KHDRBS2: variants seen among roughly 807,000 people sequenced by gnomAD.
The protein encoded by KHDRBS2 is KH RNA binding domain containing, signal transduction associated 2, also known as KH domain-containing, RNA-binding, signal transduction-associated protein 2.
KHDRBS2 carries 26 observed loss-of-function variants against 44.3 expected under a neutral mutation model. The ratio of observed to expected loss-of-function variants is 0.59; its 90% CI spans 0.43 to 0.81. The LOEUF (loss-of-function observed/expected upper bound fraction) is 0.81. KHDRBS2 is among the 40% of genes least tolerant of loss of function. KHDRBS2 has a pLI of 0.00. For synonymous variants in KHDRBS2, 194 were observed against 151.1 expected (o/e 1.28, Z -2.08); for missense variants, 476 against 433.1 (o/e 1.10, Z -0.88).
At chr6:62,081,264 T>G (rs1292905511) in intron 2 of KHDRBS2, among the ~76,000 whole-genome samples, 1 of 152,164 alleles carries the variant, frequency 6.6e-6, no homozygotes, top group Non-Finnish European at 1.5e-5. Flanking sequence ...ATGAATATAA[T>G]AATGAAGTTT....
intron 3 of KHDRBS2, among the ~76,000 whole-genome samples, chr6:62,029,563 G>A (rs1250571446): frequency 5.9e-5 from 9 of 151,912 alleles, no homozygotes; most frequent in African/African-American, 4.8e-5. Flanking sequence ...AATAGGCCAC[G>A]GAGACAAACA....
intron 3 of KHDRBS2, among the ~76,000 whole-genome samples, chr6:62,023,528 GGAAA>G (rs1208597548): frequency 3.3e-5 from 5 of 151,352 alleles, no homozygotes; most frequent in African/African-American, 4.8e-5. Context: ...TAATTTATGT[GGAAA>G]GAAATATTTT....
intron 4 of KHDRBS2, among the ~76,000 whole-genome samples, chr6:61,938,023 G>A (rs563933278): frequency 3.3e-5 from 5 of 152,078 alleles, no homozygotes; most frequent in East Asian, 1.9e-4. Context: ...TTAACCAGAA[G>A]CTCCAGGACA....
At chr6:61,659,384 G>A in the KHDRBS2 span, among the ~76,000 whole-genome samples, 2 of 151,688 alleles carry the variant, frequency 1.3e-5, no homozygotes, top group African/African-American at 2.4e-5. Flanking sequence ...CTGCTGAAAC[G>A]AGTTAATGCC....
At chr6:61,603,864 C>G in the KHDRBS2 span, among the ~76,000 whole-genome samples, 1 of 152,132 alleles carries the variant, frequency 6.6e-6, no homozygotes, top group Non-Finnish European at 1.5e-5. Context: ...TCTGATCCAC[C>G]TGACATACAC....
At chr6:62,117,095 T>C (rs7758662) in intron 2 of KHDRBS2, among the ~76,000 whole-genome samples, 92,944 of 151,988 alleles carry the variant, frequency 0.61, 28,593 homozygotes, top group Non-Finnish European at 0.62. Context: ...ATACCGATCT[T>C]CTTTTAGATA....
chr6:61,682,425 T>C (rs1161187779), intron 8 of KHDRBS2, among the ~76,000 whole-genome samples: 3 of 151,874 alleles, frequency 2.0e-5, no homozygotes, highest in African/African-American at 7.2e-5. Context: ...AAGAAATAAA[T>C]ATAACAAATG....
Position 61,947,375 on chromosome 6 carries a change from A to G in KHDRBS2, c.483+30691T>C, listed in dbSNP as rs568917648. Among the ~76,000 whole-genome samples the G allele has an allele frequency of 1.6e-3, 244 of 152,322 alleles. 9 individuals carry two copies. In the South Asian group the frequency reaches 0.046, roughly 29 times the overall value. On this transcript the variant is annotated intron_variant, in intron 4 of 8. Transcript: ENST00000281156. Reference sequence around the variant, plus strand: ...ACTCAACTCCAGGGCACAGAAAATGACAAGCATTTTCATAGATCCAGTTCC... The same window carrying G: ...ACTCAACTCCAGGGCACAGAAAATGGCAAGCATTTTCATAGATCCAGTTCC...
chr6:62,084,055 T>A (rs1330619780), intron 2 of KHDRBS2, among the ~76,000 whole-genome samples: 1 of 152,204 alleles, frequency 6.6e-6, no homozygotes, highest in Non-Finnish European at 1.5e-5. Context: ...TATTCCTTTC[T>A]TGTACTCCTC....
intron 6 of KHDRBS2, among the ~76,000 whole-genome samples, chr6:61,776,341 A>C (rs1195897404): frequency 2.0e-5 from 3 of 152,194 alleles, no homozygotes. Flanking sequence ...AACTACCATC[A>C]GAGTGAACAG....
the KHDRBS2 span, among the ~76,000 whole-genome samples, chr6:61,545,569 C>G: frequency 6.6e-6 from 1 of 151,430 alleles, no homozygotes; most frequent in Non-Finnish European, 1.5e-5. Flanking sequence ...TTTTCACACA[C>G]ATACATCAAT....
chr6:62,205,292 G>A (rs1308091354), intron 1 of KHDRBS2, among the ~76,000 whole-genome samples: 1 of 152,088 alleles, frequency 6.6e-6, no homozygotes, highest in South Asian at 2.1e-4. Flanking sequence ...AATGTGGCAG[G>A]CTAACTTGTT....
At chr6:61,745,174 G>T (rs1205740703) in intron 6 of KHDRBS2, among the ~76,000 whole-genome samples, 1 of 152,072 alleles carries the variant, frequency 6.6e-6, no homozygotes, top group African/African-American at 2.4e-5. Context: ...GGGGACAAAA[G>T]AAAATTTGGC....
At chr6:62,187,718 C>T (rs1420408742) in intron 1 of KHDRBS2, among the ~76,000 whole-genome samples, 2 of 151,754 alleles carry the variant, frequency 1.3e-5, no homozygotes, top group African/African-American at 2.4e-5. Context: ...GGGGAGGGGA[C>T]GTTGTTTGCT....
intron 3 of KHDRBS2, among the ~76,000 whole-genome samples, chr6:62,013,327 C>T (rs1014753505): frequency 6.6e-6 from 1 of 151,940 alleles, no homozygotes; most frequent in African/African-American, 2.4e-5. Context: ...AATTTGAGTC[C>T]ATTTGAAAAA....
At chr6:61,874,542 T>C (rs1583280972) in intron 6 of KHDRBS2, among the ~76,000 whole-genome samples, 1 of 152,174 alleles carries the variant, frequency 6.6e-6, no homozygotes, top group East Asian at 1.9e-4. Context: ...GGTATTTGCT[T>C]GGATGCTTCT....
At chr6:62,097,195 G>A (rs1168843594) in intron 2 of KHDRBS2, among the ~76,000 whole-genome samples, 1 of 151,592 alleles carries the variant, frequency 6.6e-6, no homozygotes, top group Non-Finnish European at 1.5e-5. Context: ...AGTAGAGTGC[G>A]TATTCTGAAG....
intron 5 of KHDRBS2, among the ~76,000 whole-genome samples, chr6:61,896,078 G>C (rs990832333): frequency 2.6e-5 from 4 of 152,108 alleles, no homozygotes; most frequent in African/African-American, 9.7e-5. Context: ...AGTGCTGGCT[G>C]CAAGTACAAC....
chr6:61,760,645 G>A lies in KHDRBS2; in HGVS notation c.811-27881C>T, dbSNP rs113473443. On this transcript the variant is annotated intron_variant, in intron 6 of 8. Transcript: ENST00000281156. ...AGAACCTGTCTCAAGCAGAAAAAAG[G>A]AAAAAAAGAAAAAAAAAGAAAAGCC... Among the ~76,000 whole-genome samples, 88 of 147,052 alleles carry A rather than the reference G, an allele frequency of 6.0e-4. 1 individual carries two copies. The highest frequency in any genetic ancestry group is 2.0e-3 in the African/African-American group (79 of 40,048).
Sources: gnomAD v4.1 joint callset for allele counts (sites outside exome capture counted in the v4.1 genomes callset) on GRCh38, gnomAD v4.1.1 for gene constraint, MANE v1.5 for transcripts, NCBI Gene and HGNC (gene_info 2026-07-23, HGNC 2026-07-21) for gene names.